Variants in TMPRSS9 observed in about 807,000 individuals in gnomAD.
TMPRSS9 encodes transmembrane serine protease 9.
A neutral mutation model predicts 111.4 loss-of-function variants in TMPRSS9; 113 were observed. The observed-to-expected ratio is 1.01, with a 90% CI of 0.87 to 1.19. The LOEUF (loss-of-function observed/expected upper bound fraction) is 1.19. Among genes scored for constraint, TMPRSS9 ranks in the 50% most tolerant of loss-of-function variants. TMPRSS9 has a pLI of 0.00. For synonymous variants in TMPRSS9, 805 were observed against 659.1 expected (o/e 1.22, Z -3.39); for missense variants, 1,803 against 1,513.1 (o/e 1.19, Z -3.18).
At chr19:2,395,617 C>T (rs118041636) in intron 1 of TMPRSS9, among the ~76,000 whole-genome samples, 8,155 of 150,952 alleles carry the variant, frequency 0.054, 310 homozygotes, top group South Asian at 0.11. Flanking sequence ...GAGGCTGAGG[C>T]GGCAGGAGAA....
chr19:2,389,942 G>T lies in TMPRSS9; in HGVS notation c.142+15G>T. On this transcript the variant is annotated intron_variant, in intron 1 of 17. Transcript: ENST00000648592. The stretch of plus-strand genomic sequence containing the variant: ...AGTCCTTTTGGGTAAGTGGCTATGG[G>T]ATTGGCTGGGTTCGCAATACAAGGG... The T allele has an allele frequency of 6.3e-7, 1 of 1,598,128 alleles. No homozygotes were observed. The highest frequency in any genetic ancestry group is 8.6e-7 in the Non-Finnish European group (1 of 1,166,836).
intron 17 of TMPRSS9, 118 bp from the exon 19 acceptor site, chr19:2,425,809 A>G: frequency 6.6e-6 from 9 of 1,373,234 alleles, no homozygotes; most frequent in Non-Finnish European, 8.7e-6. Flanking sequence ...TTTTCCAGAT[A>G]GTGAAAATGC....
chr19:2,425,335 C>G (rs769604183), intron 16 of TMPRSS9, 22 bp from the exon 18 acceptor site: 13 of 1,436,704 alleles, frequency 9.0e-6, no homozygotes, highest in Non-Finnish European at 1.2e-5. Flanking sequence ...CCACCCGCCC[C>G]GTCTCGCTCG....
intron 2 of TMPRSS9, among the ~76,000 whole-genome samples, 164 bp from the exon 4 acceptor site, chr19:2,398,631 A>G (rs1335927566): frequency 6.6e-6 from 1 of 152,056 alleles, no homozygotes; most frequent in East Asian, 1.9e-4. Context: ...ATACATACAT[A>G]CATACATACG....
intron 1 of TMPRSS9, among the ~76,000 whole-genome samples, chr19:2,367,845 A>G (rs1033410533): frequency 6.6e-6 from 1 of 151,942 alleles, no homozygotes; most frequent in Non-Finnish European, 1.5e-5. Context: ...GATTACAGGC[A>G]TGAGCCACTG....
intron 1 of TMPRSS9, among the ~76,000 whole-genome samples, chr19:2,373,042 C>T (rs890963849): frequency 2.2e-4 from 33 of 152,096 alleles, no homozygotes; most frequent in African/African-American, 7.5e-4. Flanking sequence ...CCATGTTGCT[C>T]AGGCTGGTCT....
chr19:2,368,678 G>A (rs532920886), intron 1 of TMPRSS9, among the ~76,000 whole-genome samples: 6 of 151,986 alleles, frequency 3.9e-5, no homozygotes, highest in African/African-American at 7.2e-5. Context: ...TAGACATGGC[G>A]TAGGGGCCCA....
At chr19:2,405,660 T>G (rs570142514) in intron 7 of TMPRSS9, 115 bp downstream of exon 8, 7 of 1,145,226 alleles carry the variant, frequency 6.1e-6, no homozygotes, top group Admixed American at 3.5e-5. Context: ...TAATTTTTTC[T>G]TTTCCTTTCT....
chr19:2,424,534 G>GCCCCCCCCC (rs879741232), intron 15 of TMPRSS9, among the ~76,000 whole-genome samples: 1 of 134,182 alleles, frequency 7.5e-6, no homozygotes, highest in African/African-American at 3.0e-5. Context: ...GGAAGCTGCG[G>GCCCCCCCCC]CCCCCCCCCT....
exon 11 of TMPRSS9, chr19:2,415,804 G>C: frequency 6.2e-7 from 1 of 1,603,552 alleles, no homozygotes; most frequent in Non-Finnish European, 8.5e-7. Context: ...TGTGGTGGGG[G>C]ACCGCTGGCT....
At chr19:2,382,680 TACACACATGCAC>T (rs759890720) in intron 1 of TMPRSS9, among the ~76,000 whole-genome samples, 8 of 149,410 alleles carry the variant, frequency 5.4e-5, no homozygotes, top group Middle Eastern at 3.6e-3. Context: ...CGTGCACACA[TACACACATGCAC>T]ACATGCACAC....
intron 5 of TMPRSS9, 51 bp from the exon 7 acceptor site, chr19:2,403,031 A>C (rs573611576): frequency 1.4e-6 from 2 of 1,425,766 alleles, no homozygotes; most frequent in South Asian, 2.4e-5. Flanking sequence ...GCCTTACTCC[A>C]ACCAGGAGAT....
intron 13 of TMPRSS9, among the ~76,000 whole-genome samples, chr19:2,419,237 T>C (rs1017157911): frequency 2.0e-4 from 30 of 148,086 alleles, no homozygotes; most frequent in Non-Finnish European, 3.4e-4. Context: ...GGAGTCTGGC[T>C]CTGTCGCCCA....
chr19:2,363,278 A>G (rs1970216901), intron 1 of TMPRSS9, among the ~76,000 whole-genome samples: 1 of 152,140 alleles, frequency 6.6e-6, no homozygotes, highest in African/African-American at 2.4e-5. Context: ...TCCTTAGGCA[A>G]AAGGTGTTGG....
intron 2 of TMPRSS9, among the ~76,000 whole-genome samples, chr19:2,397,469 G>A (rs113387595): frequency 8.5e-5 from 13 of 152,156 alleles, no homozygotes; most frequent in South Asian, 4.2e-4. Context: ...GAAACACAGC[G>A]TGGCTATGCA....
At chr19:2,374,602 C>G (rs756477650) in intron 1 of TMPRSS9, among the ~76,000 whole-genome samples, 2 of 151,942 alleles carry the variant, frequency 1.3e-5, no homozygotes, top group Non-Finnish European at 2.9e-5. Flanking sequence ...AACAAAAACA[C>G]CCCTCAAAAA....
chr19:2,378,211 G>A (rs1398506416), intron 1 of TMPRSS9, among the ~76,000 whole-genome samples: 1 of 152,064 alleles, frequency 6.6e-6, no homozygotes, highest in Non-Finnish European at 1.5e-5. Context: ...CCAGTCTCAG[G>A]TATTTCTTTA....
chr19:2,421,888 C>T (rs1971469151), exon 14 of TMPRSS9: 1 of 1,611,604 alleles, frequency 6.2e-7, no homozygotes, highest in Admixed American at 1.7e-5. Context: ...TGCGAGGAGG[C>T]CCCTGGCGTG....
chr19:2,403,731 C>T (rs182427666), intron 6 of TMPRSS9, among the ~76,000 whole-genome samples: 1 of 151,908 alleles, frequency 6.6e-6, no homozygotes, highest in East Asian at 1.9e-4. Context: ...CGGTGGCTCA[C>T]ACCTGTAATC....
Sources: gnomAD v4.1 joint callset for allele counts (sites outside exome capture counted in the v4.1 genomes callset) on GRCh38, gnomAD v4.1.1 for gene constraint, MANE v1.5 for transcripts, NCBI Gene and HGNC (gene_info 2026-07-23, HGNC 2026-07-21) for gene names.